KRI1: variants seen among roughly 807,000 people sequenced by gnomAD.
KRI1 encodes the protein KRI1 homolog, also known as protein KRI1 homolog.
KRI1 carries 83 observed loss-of-function variants against 97.0 expected under a neutral mutation model. The observed-to-expected ratio is 0.86, with a 90% confidence interval of 0.72 to 1.03. The LOEUF (loss-of-function observed/expected upper bound fraction) is 1.03. Among genes scored for constraint, KRI1 ranks in the 50% least tolerant of loss-of-function variants. The probability of loss-of-function intolerance (pLI) is 0.00; values close to 1 mark genes in which losing one functional copy is unlikely to be tolerated. For missense variants in KRI1, 916 were observed against 928.4 expected (o/e 0.99, Z 0.17); for synonymous variants, 371 against 363.5 (o/e 1.02, Z -0.23).
In KRI1 at chr19:10,558,216, GT is replaced by G; in HGVS notation, c.1217del (p.Tyr406SerfsTer67). ...LMQKCFGDEYYGAVEEEKPQF... is the reference protein window; with the variant it reads ...LMQKCFGDEYXGAVEEEKPQF... The stretch of plus-strand genomic sequence containing the variant: ...GTGGCTTCTCCTCCTCCACGGCCCC[GT>G]AGTACTCGTCCCCAAAGCACTTCTG... On this transcript the variant is annotated frameshift_variant, in exon 13 of 19. Coordinates refer to ENST00000312962, the MANE Select transcript of KRI1 (RefSeq NM_023008.5). LOFTEE classifies it high-confidence loss of function. 1 of 1,614,010 alleles carries G rather than the reference GT, an allele frequency of 6.2e-7. No individual in the cohort carries two copies. The highest frequency in any genetic ancestry group is 8.5e-7 in the Non-Finnish European group (1 of 1,180,008).
chr19:10,563,567 G>A (rs1916764133), intron 3 of KRI1, among the ~76,000 whole-genome samples: 2 of 151,414 alleles, frequency 1.3e-5, no homozygotes, highest in Admixed American at 6.6e-5. Flanking sequence ...GGCTGGTCTC[G>A]AACTCCTGAC....
chr19:10,553,951 T>C lies in KRI1; in HGVS notation c.2112A>G (p.Ter704TrpextTer54), dbSNP rs750106332. ...RKQQGPKNSS[*>W] ...GAGGCCCCTGCCTGCTCCCTGGTGC[T>C]CAGGAGCTGTTCTTGGGCCCCTGTT... Residue 704 changes from the stop codon to tryptophan (W), a stop_lost, in exon 19 of 19, where the codon TGA (stop) becomes TGG (tryptophan). Transcript: ENST00000312962. 3.1e-6 allele frequency: 5 copies of C among 1,594,032 alleles called. No homozygotes were observed. The South Asian group carries it at 3.4e-5, about 11-fold the overall frequency.
rs976635573 is a variant in KRI1, at chr19:10,565,770, G to C, written c.115C>G (p.Arg39Gly). 16 of 1,576,520 alleles carry C rather than the reference G, an allele frequency of 1.0e-5. No individual in the cohort carries two copies. Among genetic ancestry groups the C allele is most frequent in the Non-Finnish European group, 1.3e-5 (15 of 1,162,370 alleles). ...LQRLKDRYGD[R>G]DSSSDSSSES... Reference sequence around the variant, plus strand: ...GAGCTGGAGTCGCTGCTGCTGTCTCGGTCCCCGTAGCGATCCTTCACTGCG... The same window carrying C: ...GAGCTGGAGTCGCTGCTGCTGTCTCCGTCCCCGTAGCGATCCTTCACTGCG... The change falls in exon 2 of 19, where the codon CGA becomes GGA. Residue 39 changes from arginine to glycine, a missense_variant. Around this residue, in one of 3 missense-constraint regions of KRI1, gnomAD observed 173 missense variants for 153.1 expected, o/e 1.13. Coordinates refer to ENST00000312962, the MANE Select transcript of KRI1 (RefSeq NM_023008.5).
intron 18 of KRI1, 145 bp downstream of exon 18, chr19:10,554,942 G>A (rs369522854): frequency 3.2e-6 from 2 of 621,508 alleles, no homozygotes; most frequent in Non-Finnish European, 5.7e-6. Flanking sequence ...ACACAACGTT[G>A]GTGCCCATAT....
At chr19:10,554,320 A>G (rs1916424731) in intron 18 of KRI1, 39 bp from the exon 19 acceptor site, 1 of 1,550,472 alleles carries the variant, frequency 6.4e-7, no homozygotes. Flanking sequence ...AGGCCTGTCA[A>G]GATCAGGCCC....
chr19:10,555,767 G>A (rs558834132), intron 16 of KRI1, among the ~76,000 whole-genome samples: 15 of 152,166 alleles, frequency 9.9e-5, no homozygotes, highest in Non-Finnish European at 1.8e-4. Context: ...TCAGAAAGAG[G>A]AAGTGATTGA....
At chr19:10,565,296 G>GGGCA in intron 2 of KRI1, 1 of 560,358 alleles carries the variant, frequency 1.8e-6, no homozygotes, top group South Asian at 2.2e-5. Flanking sequence ...ACTTGACAAG[G>GGGCA]GGCAGGTGGG....
chr19:10,555,368 T>A lies in KRI1; in HGVS notation c.1618-19A>T, dbSNP rs1240821431. 1.9e-6 allele frequency: 3 copies of A among 1,612,784 alleles called. No homozygotes were observed. The highest frequency in any genetic ancestry group is 2.5e-6 in the Non-Finnish European group (3 of 1,179,614). ...CGAGGATCTGCGTGGGAAGGGAGAG[T>A]GGGGACCTGCTGTGATATTGCCCAG... On this transcript the variant is annotated intron_variant, in intron 16 of 18. Coordinates refer to ENST00000312962, the MANE Select transcript of KRI1 (RefSeq NM_023008.5).
At chr19:10,556,396 G>A (rs1916501417) in intron 16 of KRI1, among the ~76,000 whole-genome samples, 2 of 152,180 alleles carry the variant, frequency 1.3e-5, no homozygotes, top group African/African-American at 4.8e-5. Context: ...GGCTGGGCCT[G>A]GTGGCTCACA....
In KRI1 at chr19:10,555,088, C is replaced by G. The variant is rs372576878; in HGVS notation, c.1780G>C (p.Glu594Gln). The G allele has an allele frequency of 1.2e-6, 2 of 1,613,604 alleles. No individual in the cohort carries two copies. The highest frequency in any genetic ancestry group is 1.3e-5 in the African/African-American group (1 of 74,908). ...RQVFKSLCREEAETPAEATGK... is the reference protein window; with the variant it reads ...RQVFKSLCREQAETPAEATGK... Reference sequence around the variant, plus strand: ...GCTTCCCCAGCCAGCACTGCTTACTCTTCTCGGCAGAGTGACTTGAAGACC... The same window carrying G: ...GCTTCCCCAGCCAGCACTGCTTACTGTTCTCGGCAGAGTGACTTGAAGACC... Residue 594 changes from glutamate to glutamine, a missense_variant and splice_region_variant, in exon 18 of 19, where the codon GAG (glutamate) becomes CAG (glutamine). This residue lies in a region of KRI1 where 672 missense variants were observed against 667.2 expected (regional missense o/e 1.01). Coordinates refer to ENST00000312962, the MANE Select transcript of KRI1 (RefSeq NM_023008.5).
At chr19:10,563,942 G>A (rs1048077814) in intron 3 of KRI1, among the ~76,000 whole-genome samples, 9 of 151,634 alleles carry the variant, frequency 5.9e-5, no homozygotes, top group Non-Finnish European at 1.2e-4. Context: ...TCAGGAGTTC[G>A]AGACCAGCCT....
At position 10,561,845 on chromosome 19, in the gene KRI1, G is replaced by A; in HGVS notation, c.384C>T (p.Gly128=). The A allele has an allele frequency of 6.2e-7, 1 of 1,613,594 alleles. No individual in the cohort carries two copies. The highest frequency in any genetic ancestry group is 8.5e-7 in the Non-Finnish European group (1 of 1,179,710). ...YERKVILEKA[G]KYVDEENSDG... ...CTGAGTTCTCCTCATCAACATATTT[G>A]CTGTAAAGGAAAAGTGGGGTCTTCA... The change falls in exon 5 of 19, where the codon GGC becomes GGT. Residue 128 remains glycine (G), a splice_region_variant and synonymous_variant. Coordinates refer to ENST00000312962, the MANE Select transcript of KRI1 (RefSeq NM_023008.5).
In KRI1 at chr19:10,559,606, C is replaced by T. The variant is rs1428999001; in HGVS notation, c.1023+7G>A. 1 of 1,613,978 alleles carries T rather than the reference C, an allele frequency of 6.2e-7. No homozygotes were observed. The highest frequency in any genetic ancestry group is 8.5e-7 in the Non-Finnish European group (1 of 1,179,996). On this transcript the variant is annotated splice_region_variant and intron_variant, in intron 11 of 18. Transcript: ENST00000312962. Reference sequence around the variant, plus strand: ...GGGGTCCTCCCCAGCTCACCCCCCACACTCACCCTCTTCTTTCGCTCCCGA... The same window carrying T: ...GGGGTCCTCCCCAGCTCACCCCCCATACTCACCCTCTTCTTTCGCTCCCGA...
intron 3 of KRI1, among the ~76,000 whole-genome samples, chr19:10,564,389 G>C (rs1036528586): frequency 4.6e-5 from 7 of 151,980 alleles, no homozygotes; most frequent in Admixed American, 3.9e-4. Flanking sequence ...GAACCTGGGA[G>C]ACGGAGGTTG....
rs1424448288 is a variant in KRI1, at chr19:10,561,845, G to C, written c.384C>G (p.Gly128=). ...CTGAGTTCTCCTCATCAACATATTT[G>C]CTGTAAAGGAAAAGTGGGGTCTTCA... ...YERKVILEKA[G]KYVDEENSDG... Residue 128 remains glycine (G), a splice_region_variant and synonymous_variant, in exon 5 of 19, where the codon GGC becomes GGG. Coordinates refer to ENST00000312962, the MANE Select transcript of KRI1 (RefSeq NM_023008.5). The C allele has an allele frequency of 1.4e-5, 22 of 1,613,474 alleles. No individual in the cohort carries two copies. The highest frequency in any genetic ancestry group is 1.9e-5 in the Non-Finnish European group (22 of 1,179,718).
intron 12 of KRI1, 118 bp from the exon 13 acceptor site, chr19:10,558,357 A>T: frequency 1.2e-6 from 1 of 849,082 alleles, no homozygotes; most frequent in Admixed American, 2.0e-5. Flanking sequence ...AGGGCTCCCT[A>T]CAGCCCTCCC....
chr19:10,564,847 A>G (rs1008823219), intron 3 of KRI1, 82 bp downstream of exon 3: 20 of 873,400 alleles, frequency 2.3e-5, no homozygotes, highest in Non-Finnish European at 3.5e-5. Context: ...AAGTCAAGTC[A>G]CTTCTCTGAA....
In KRI1 at chr19:10,554,128, G is replaced by A. The variant is rs1916414703; in HGVS notation, c.1935C>T (p.Ala645=). 8 of 1,614,150 alleles carry A rather than the reference G, an allele frequency of 5.0e-6. No individual in the cohort carries two copies. Among genetic ancestry groups the A allele is most frequent in the Non-Finnish European group, 5.9e-6 (7 of 1,180,030 alleles). Residue 645 remains alanine, a synonymous_variant, in exon 19 of 19, where the codon GCC becomes GCT. Transcript: ENST00000312962. ...TCTTGGCCCTCCTCCGCTTCTGGGG[G>A]GCTGGCTTCTTGTGGGGTGATACAG... ...EAPVSPHKKP[A]PQKRRRAKKA... is the part of the protein sequence containing the mutation.
chr19:10,562,757 CG>C lies in KRI1; in HGVS notation c.354del (p.Tyr118Ter), dbSNP rs763825163. ...GCCTTCTCCAAGATAACCTTCCTCTCGTAGTCCTTCAGGTACATGGGCCGCA... is the reference window on the plus strand; with the variant it reads ...GCCTTCTCCAAGATAACCTTCCTCTCTAGTCCTTCAGGTACATGGGCCGCA... The part of the protein sequence containing the change: ...KKVRPMYLKD[Y>X]ERKVILEKAG... On this transcript the variant is annotated frameshift_variant, in exon 4 of 19. Coordinates refer to ENST00000312962, the MANE Select transcript of KRI1 (RefSeq NM_023008.5). LOFTEE classifies it high-confidence loss of function. 6.2e-7 allele frequency: 1 copy of C among 1,609,410 alleles called. No individual in the cohort carries two copies. The highest frequency in any genetic ancestry group is 8.5e-7 in the Non-Finnish European group (1 of 1,175,688).
Sources: allele counts gnomAD v4.1 joint callset (sites outside exome capture counted in the v4.1 genomes callset), GRCh38; gene constraint gnomAD v4.1.1; regional missense constraint gnomAD v4.1.1; transcripts MANE v1.5; gene names NCBI Gene and HGNC (gene_info 2026-07-23, HGNC 2026-07-21).